WWP1: variants seen among roughly 807,000 people sequenced by gnomAD.
WWP1 encodes the protein NEDD4-like E3 ubiquitin-protein ligase WWP1.
Under a neutral mutation model 130.6 loss-of-function variants are expected in WWP1, and 49 were observed. That is an observed-to-expected ratio of 0.38 (90% CI 0.30 to 0.48). The LOEUF is 0.48. WWP1 is among the 20% of genes least tolerant of loss of function. The probability of loss-of-function intolerance (pLI) is 0.99; values close to 1 mark genes in which losing one functional copy is unlikely to be tolerated. For missense variants in WWP1, 809 were observed against 1,100.6 expected, an observed-to-expected ratio of 0.74 and a Z score of 3.75; for synonymous variants, 332 against 367.8, an observed-to-expected ratio of 0.90 and a Z score of 1.11.
Position 86,435,659 on chromosome 8 carries a change from G to T in WWP1, c.1704G>T (p.Lys568Asn). 6.2e-7 allele frequency: 1 copy of T among 1,612,974 alleles called. No homozygotes were observed. The highest frequency in any genetic ancestry group is 8.5e-7 in the Non-Finnish European group (1 of 1,179,886). The change falls in exon 16 of 25, where the codon AAG (lysine) becomes AAT (asparagine). Residue 568 changes from lysine to asparagine, a missense_variant. Physicochemically the swap from Lys to Asn is moderately conservative, Grantham distance 94 (BLOSUM62 0). Coordinates refer to ENST00000517970, the MANE Select transcript of WWP1 (RefSeq NM_007013.4). ...CQSNALPSHV[K>N]INVSRQTLFE... is the part of the protein sequence containing the mutation. ...CTAATGCACTACCTAGTCATGTAAA[G>T]ATCAATGTGTCCCGGCAGACATTGT...
At chr8:86,439,792 T>C (rs1810496929) in intron 17 of WWP1, among the ~76,000 whole-genome samples, 1 of 152,204 alleles carries the variant, frequency 6.6e-6, no homozygotes, top group Non-Finnish European at 1.5e-5. Context: ...CAATTTATTG[T>C]TTAGCAAAAC....
intron 9 of WWP1, 38 bp downstream of exon 9, chr8:86,411,912 T>G: frequency 1.3e-6 from 2 of 1,525,936 alleles, no homozygotes; most frequent in Non-Finnish European, 1.8e-6. Context: ...TGCATTTAAG[T>G]AGCAACTCTG....
At chr8:86,430,659 G>T in intron 11 of WWP1, 38 bp from the exon 12 acceptor site, 1 of 1,534,228 alleles carries the variant, frequency 6.5e-7, no homozygotes, top group Non-Finnish European at 8.9e-7. Flanking sequence ...TTAAAACACT[G>T]TTATTTTATT....
At chr8:86,447,352 C>T (rs1810938973) in intron 18 of WWP1, among the ~76,000 whole-genome samples, 1 of 152,116 alleles carries the variant, frequency 6.6e-6, no homozygotes, top group Admixed American at 6.5e-5. Context: ...CTGCAGCCTC[C>T]ACCTCCCAGG....
chr8:86,435,177 A>G (rs1192934545), intron 14 of WWP1, among the ~76,000 whole-genome samples: 1 of 152,212 alleles, frequency 6.6e-6, no homozygotes, highest in East Asian at 1.9e-4. Flanking sequence ...TTTCTTTGAA[A>G]TAGTCTGTAG....
At chr8:86,363,814 A>AG (rs1823809324) in intron 1 of WWP1, among the ~76,000 whole-genome samples, 6 of 151,230 alleles carry the variant, frequency 4.0e-5, no homozygotes, top group Admixed American at 3.9e-4. Flanking sequence ...AAAAAAAAAA[A>AG]GAAATTTGTC....
chr8:86,401,977 A>G (rs760919612), intron 7 of WWP1, 42 bp from the exon 8 acceptor site: 37 of 1,438,842 alleles, frequency 2.6e-5, no homozygotes, highest in Non-Finnish European at 3.2e-5. Context: ...AATGTTGTTG[A>G]ATTATACTTA....
At chr8:86,391,948 G>A (rs1055822996) in intron 5 of WWP1, among the ~76,000 whole-genome samples, 2 of 152,168 alleles carry the variant, frequency 1.3e-5, no homozygotes, top group Non-Finnish European at 1.5e-5. Context: ...ATTGTAAGCC[G>A]TTTTTAGTAA....
intron 8 of WWP1, among the ~76,000 whole-genome samples, chr8:86,405,898 A>G (rs1309360504): frequency 2.0e-5 from 3 of 152,230 alleles, no homozygotes; most frequent in Non-Finnish European, 4.4e-5. Context: ...TTGAGGTTTC[A>G]GATTAGGAAT....
intron 14 of WWP1, among the ~76,000 whole-genome samples, chr8:86,434,626 T>C (rs183597306): frequency 6.6e-6 from 1 of 152,342 alleles, no homozygotes; most frequent in East Asian, 1.9e-4. Context: ...ATAAGACATT[T>C]GTACTTTACT....
Position 86,399,524 on chromosome 8 carries a change from T to A in WWP1, c.539+886T>A, listed in dbSNP as rs184509290. Among the ~76,000 whole-genome samples the A allele has an allele frequency of 1.1e-3, 163 of 152,368 alleles. 1 individual carries two copies. Among genetic ancestry groups the A allele is most frequent in the African/African-American group, 3.7e-3 (155 of 41,602 alleles). ...CTAGTATATGACAAAGTGTGACTTTTATTAATCTATAGTTACTAGTATCGT... is the reference window on the plus strand; with the variant it reads ...CTAGTATATGACAAAGTGTGACTTTAATTAATCTATAGTTACTAGTATCGT... On this transcript the variant is annotated intron_variant, in intron 7 of 24. Transcript: ENST00000517970.
intron 9 of WWP1, among the ~76,000 whole-genome samples, chr8:86,414,560 C>A (rs571665687): frequency 1.1e-4 from 17 of 152,258 alleles, no homozygotes; most frequent in Admixed American, 9.2e-4. Context: ...ACATCATCTT[C>A]CCTCTTTGCT....
At chr8:86,451,315 A>G (rs1312117301) in intron 20 of WWP1, among the ~76,000 whole-genome samples, 1 of 148,724 alleles carries the variant, frequency 6.7e-6, no homozygotes, top group African/African-American at 2.5e-5. Flanking sequence ...CAAGAGCAGA[A>G]TTGACGTATT....
chr8:86,409,480 C>T (rs1359040788), intron 8 of WWP1, among the ~76,000 whole-genome samples: 4 of 150,236 alleles, frequency 2.7e-5, no homozygotes, highest in African/African-American at 9.7e-5. Context: ...GTGATCCACC[C>T]GCCTCGGCCT....
intron 9 of WWP1, among the ~76,000 whole-genome samples, chr8:86,414,117 G>C (rs1340926552): frequency 6.6e-6 from 1 of 152,156 alleles, no homozygotes; most frequent in Non-Finnish European, 1.5e-5. Context: ...AATAGGTTAT[G>C]ACCAGCATTT....
chr8:86,456,249 G>T (rs1011213225), intron 21 of WWP1, among the ~76,000 whole-genome samples: 5 of 151,760 alleles, frequency 3.3e-5, no homozygotes, highest in African/African-American at 1.2e-4. Flanking sequence ...AACCATGAAA[G>T]AAAAATATGG....
intron 1 of WWP1, among the ~76,000 whole-genome samples, chr8:86,355,897 T>C (rs1473865908): frequency 1.3e-5 from 2 of 152,230 alleles, no homozygotes; most frequent in African/African-American, 4.8e-5. Flanking sequence ...ATTTTGTTTC[T>C]GCAGTGCGTA....
rs115666270 is a variant in WWP1, at chr8:86,444,387, G to A, written c.1998+1609G>A. Among the ~76,000 whole-genome samples the A allele has an allele frequency of 9.9e-3, 1,502 of 152,296 alleles. 28 individuals carry two copies. Among genetic ancestry groups the A allele is most frequent in the African/African-American group, 0.034 (1,432 of 41,564 alleles). On this transcript the variant is annotated intron_variant, in intron 18 of 24. Coordinates refer to ENST00000517970, the MANE Select transcript of WWP1 (RefSeq NM_007013.4). ...AAGAGATAGTTGGAGGTATAAGTCT[G>A]GCAATGAAAGGATATTTAGTTTGGA...
chr8:86,397,783 G>A (rs764558512), intron 5 of WWP1, among the ~76,000 whole-genome samples: 2 of 152,140 alleles, frequency 1.3e-5, no homozygotes, highest in Non-Finnish European at 2.9e-5. Context: ...AATGATAAAC[G>A]ATTGTCACAA....
Sources: allele counts gnomAD v4.1 joint callset (sites outside exome capture counted in the v4.1 genomes callset), GRCh38; gene constraint gnomAD v4.1.1; transcripts MANE v1.5; gene names NCBI Gene and HGNC (gene_info 2026-07-23, HGNC 2026-07-21).